The following FGGY variants were observed in gnomAD, a reference collection of about 807,000 sequenced individuals.
FGGY encodes the protein FGGY carbohydrate kinase domain containing.
A neutral mutation model predicts 71.3 loss-of-function variants in FGGY; 72 were observed. The observed-to-expected ratio is 1.01, with a 90% CI of 0.84 to 1.23. FGGY has a LOEUF of 1.23. Ranked by LOEUF, FGGY falls within the 50% of genes most tolerant of loss-of-function variation. The probability of loss-of-function intolerance (pLI) is 0.00; values close to 1 mark genes in which losing one functional copy is unlikely to be tolerated. For missense variants in FGGY, 668 were observed against 682.3 expected, an observed-to-expected ratio of 0.98 and a Z score of 0.23; for synonymous variants, 251 against 250.3, an observed-to-expected ratio of 1.00 and a Z score of -0.02.
chr1:59,549,772 C>G (rs2095579998), intron 7 of FGGY, among the ~76,000 whole-genome samples: 1 of 152,122 alleles, frequency 6.6e-6, no homozygotes. Flanking sequence ...TTTGCAAAGT[C>G]TCTTTTTTAT....
At position 59,566,825 on chromosome 1, in the gene FGGY, T is replaced by G. The variant is rs148245505; in HGVS notation, c.903+12598T>G. Among the ~76,000 whole-genome samples, 1,187 of 152,302 alleles carry G rather than the reference T, an allele frequency of 7.8e-3. 8 individuals are homozygous for G. The highest frequency in any genetic ancestry group is 0.021 in the South Asian group (100 of 4,828). ...ATACCATGAAATTTATCCCCTTGTA[T>G]TTTTAAAACATCTAGAGAACTGAGT... On this transcript the variant is annotated intron_variant, in intron 8 of 15. Coordinates refer to ENST00000303721, the MANE Select transcript of FGGY (RefSeq NM_018291.5).
At chr1:59,567,300 A>T (rs2095889735) in intron 8 of FGGY, among the ~76,000 whole-genome samples, 1 of 152,204 alleles carries the variant, frequency 6.6e-6, no homozygotes, top group African/African-American at 2.4e-5. Flanking sequence ...CCACTGAATT[A>T]TACCTCAAAG....
chr1:59,447,874 G>A (rs1259016288), intron 5 of FGGY, among the ~76,000 whole-genome samples: 2 of 152,124 alleles, frequency 1.3e-5, no homozygotes, highest in African/African-American at 4.8e-5. Flanking sequence ...CTAATACATT[G>A]GACCTTAGTA....
chr1:59,734,514 T>C (rs2098082594), intron 14 of FGGY, among the ~76,000 whole-genome samples: 1 of 152,232 alleles, frequency 6.6e-6, no homozygotes, highest in African/African-American at 2.4e-5. Context: ...CGTCCTTCCG[T>C]ATGGCCCTCT....
At chr1:59,300,442 A>G (rs1035097705) in intron 1 of FGGY, among the ~76,000 whole-genome samples, 1 of 152,190 alleles carries the variant, frequency 6.6e-6, no homozygotes, top group African/African-American at 2.4e-5. Context: ...TTGTCTCAAC[A>G]GTGTCTTTTG....
intron 14 of FGGY, among the ~76,000 whole-genome samples, chr1:59,698,200 C>A (rs936502352): frequency 1.3e-5 from 2 of 152,096 alleles, no homozygotes; most frequent in Non-Finnish European, 2.9e-5. Flanking sequence ...TATTAGGGAA[C>A]CTCATGTCAT....
chr1:59,471,685 C>G (rs1364510584), intron 6 of FGGY, among the ~76,000 whole-genome samples: 1 of 152,210 alleles, frequency 6.6e-6, no homozygotes, highest in African/African-American at 2.4e-5. Flanking sequence ...CCACACTCCC[C>G]AAGTGTCTCC....
At chr1:59,395,613 G>C (rs530480374) in intron 5 of FGGY, among the ~76,000 whole-genome samples, 3 of 152,250 alleles carry the variant, frequency 2.0e-5, no homozygotes, top group Admixed American at 2.0e-4. Context: ...TAATAATAGT[G>C]CTTGTATTTT....
At chr1:59,559,188 G>A (rs12122631) in intron 8 of FGGY, among the ~76,000 whole-genome samples, 5 of 152,150 alleles carry the variant, frequency 3.3e-5, no homozygotes, top group African/African-American at 1.2e-4. Flanking sequence ...ACAGGCATAA[G>A]AAATTATTAA....
chr1:59,378,943 C>A, intron 5 of FGGY, 106 bp downstream of exon 5: 1 of 901,880 alleles, frequency 1.1e-6, no homozygotes, highest in Non-Finnish European at 1.7e-6. Flanking sequence ...TTTGGTACAT[C>A]TGCATGTGAT....
intron 12 of FGGY, among the ~76,000 whole-genome samples, chr1:59,663,592 A>G (rs2097297685): frequency 6.6e-6 from 1 of 152,214 alleles, no homozygotes; most frequent in African/African-American, 2.4e-5. Flanking sequence ...TGGGCCGTAC[A>G]TGTATTAAAA....
Position 59,726,479 on chromosome 1 carries a change from G to A in FGGY, c.1513-31452G>A, listed in dbSNP as rs141673391. 3.9e-3 allele frequency among the ~76,000 whole-genome samples: 598 copies of A among 152,026 alleles called. 6 individuals are homozygous for A. Among genetic ancestry groups the A allele is most frequent in the African/African-American group, 0.014 (571 of 41,466 alleles). On this transcript the variant is annotated intron_variant, in intron 14 of 15. Coordinates refer to ENST00000303721, the MANE Select transcript of FGGY (RefSeq NM_018291.5). Reference sequence around the variant, plus strand: ...AAGTTTTTCTTCTGCTTATTTTCCTGGAGGACATGGTAAAGAACTGGTATA... The same window carrying A: ...AAGTTTTTCTTCTGCTTATTTTCCTAGAGGACATGGTAAAGAACTGGTATA...
intron 10 of FGGY, 105 bp from the exon 11 acceptor site, chr1:59,638,123 C>T (rs2096980225): frequency 8.6e-7 from 1 of 1,157,322 alleles, no homozygotes; most frequent in South Asian, 1.5e-5. Flanking sequence ...TTTTAGGAGC[C>T]TGCTTACTTT....
rs1026769222 is a variant in FGGY at position 59,670,615 on chromosome 1, G to A, written c.1417+3212G>A. On this transcript the variant is annotated intron_variant, in intron 13 of 15. Coordinates refer to ENST00000303721, the MANE Select transcript of FGGY (RefSeq NM_018291.5). ...GGAATAAATGCTTGCGAGTTTGTGA[G>A]CATCAAACTCTGTGCCTAGTCCAAG... Among the ~76,000 whole-genome samples the A allele has an allele frequency of 9.9e-5, 15 of 151,888 alleles. No homozygotes were observed. The East Asian group carries it at 2.7e-3, about 27-fold the overall frequency.
At chr1:59,340,609 A>G (rs957442616) in intron 3 of FGGY, among the ~76,000 whole-genome samples, 4 of 152,212 alleles carry the variant, frequency 2.6e-5, no homozygotes, top group South Asian at 2.1e-4. Context: ...TTGTGAGTAC[A>G]GAAATGAGCT....
At chr1:59,731,526 A>G (rs1003998132) in intron 14 of FGGY, among the ~76,000 whole-genome samples, 2 of 151,370 alleles carry the variant, frequency 1.3e-5, no homozygotes, top group African/African-American at 2.4e-5. Context: ...AGAAGGTTGT[A>G]GGGGGTTGGG....
chr1:59,310,873 T>C (rs2044197435), intron 1 of FGGY, among the ~76,000 whole-genome samples: 1 of 152,232 alleles, frequency 6.6e-6, no homozygotes, highest in Non-Finnish European at 1.5e-5. Flanking sequence ...TTTTAGGGTC[T>C]TTTTATTTTA....
intron 5 of FGGY, 116 bp downstream of exon 5, chr1:59,378,953 T>G (rs1032012341): frequency 5.0e-6 from 4 of 794,668 alleles, no homozygotes; most frequent in Non-Finnish European, 8.2e-6. Flanking sequence ...CTGCATGTGA[T>G]TTTGCATACA....
At chr1:59,455,078 C>A (rs976317664) in intron 5 of FGGY, among the ~76,000 whole-genome samples, 2 of 152,148 alleles carry the variant, frequency 1.3e-5, no homozygotes, top group Non-Finnish European at 2.9e-5. Flanking sequence ...TTCATTGTGG[C>A]TTGTCATAAT....
Sources: gnomAD v4.1 joint callset for allele counts (sites outside exome capture counted in the v4.1 genomes callset) on GRCh38, gnomAD v4.1.1 for gene constraint, MANE v1.5 for transcripts, NCBI Gene and HGNC (gene_info 2026-07-23, HGNC 2026-07-21) for gene names.